DHX30: variants seen among roughly 807,000 people sequenced by gnomAD.
DHX30 encodes ATP-dependent RNA helicase DHX30.
In DHX30, 4 loss-of-function variants were observed where a neutral mutation model predicts 116.9. The observed-to-expected ratio is 0.03, with a 90% CI of 0.02 to 0.08. DHX30 has a LOEUF of 0.08. Among genes scored for constraint, DHX30 ranks in the 10% least tolerant of loss-of-function variants. The pLI is 1.00. For synonymous variants in DHX30, 697 were observed against 651.7 expected (o/e 1.07, Z -1.06); for missense variants, 871 against 1,595.1 (o/e 0.55, Z 7.73).
intron 6 of DHX30, among the ~76,000 whole-genome samples, chr3:47,840,244 G>A (rs968977326): frequency 7.9e-5 from 12 of 151,046 alleles, no homozygotes; most frequent in Admixed American, 1.3e-4. Context: ...TGATCCGCCC[G>A]TCTCGGCCTC....
In DHX30 at chr3:47,847,604, C is replaced by A; in HGVS notation, c.2110+68C>A. On this transcript the variant is annotated intron_variant, in intron 13 of 21. Transcript: ENST00000445061. This position sits in a 1 kb window ranked among gnomAD's most constrained non-coding sequence, Gnocchi z 5.5. ...CCTGACCTCTGTCCTAGGGACTGAC[C>A]CAACTGGGACTCCAGGGGCCCCGGT... 1 of 1,478,700 alleles carries A rather than the reference C, an allele frequency of 6.8e-7. No homozygotes were observed. Among genetic ancestry groups the A allele is most frequent in the Non-Finnish European group, 9.1e-7 (1 of 1,102,418 alleles). 91.6% of individuals were successfully genotyped at this position (1,478,700 alleles called of 1,614,324 possible).
intron 3 of DHX30, among the ~76,000 whole-genome samples, chr3:47,814,883 A>C (rs2035982931): frequency 6.6e-6 from 1 of 151,782 alleles, no homozygotes; most frequent in South Asian, 2.1e-4. Flanking sequence ...AAATAATTAA[A>C]AAAATAATTT....
chr3:47,845,466 C>T (rs184876397), intron 9 of DHX30: 40 of 353,194 alleles, frequency 1.1e-4, no homozygotes, highest in Non-Finnish European at 1.7e-4. Context: ...GGATTACAGG[C>T]GTGAGCCACC....
In DHX30 at chr3:47,848,864, A is replaced by AG; in HGVS notation, c.2770-51dup. On this transcript the variant is annotated intron_variant, in intron 17 of 21. Transcript: ENST00000445061. The surrounding 1 kb of genome is among the most constrained non-coding windows in gnomAD (Gnocchi z 9.4). Reference sequence around the variant, plus strand: ...GAGCCGTCCACCCACTGCTGTTCTGAGGGGGCGTTGTCTAGCCCCTGCCTG... The same window carrying AG: ...GAGCCGTCCACCCACTGCTGTTCTGAGGGGGGCGTTGTCTAGCCCCTGCCTG... 1 of 1,598,868 alleles carries AG rather than the reference A, an allele frequency of 6.3e-7. No homozygotes were observed. Among genetic ancestry groups the AG allele is most frequent in the Non-Finnish European group, 8.6e-7 (1 of 1,168,400 alleles).
At chr3:47,830,116 C>T (rs1405476574) in intron 6 of DHX30, among the ~76,000 whole-genome samples, 1 of 150,948 alleles carries the variant, frequency 6.6e-6, no homozygotes, top group African/African-American at 2.4e-5. Flanking sequence ...AGGCATGAGC[C>T]ACCATGCCTG....
intron 4 of DHX30, chr3:47,819,413 C>A: frequency 1.4e-6 from 1 of 725,150 alleles, no homozygotes; most frequent in Non-Finnish European, 2.3e-6. Context: ...GCCTCTGGGG[C>A]AGCCCCACAA....
chr3:47,819,104 A>G, intron 4 of DHX30: 2 of 703,834 alleles, frequency 2.8e-6, no homozygotes, highest in Admixed American at 2.2e-5. Flanking sequence ...ACAGCAGGAT[A>G]GAAATGAGTA....
chr3:47,819,411 G>A (rs1256051089), intron 4 of DHX30: 53 of 734,788 alleles, frequency 7.2e-5, no homozygotes, highest in Non-Finnish European at 2.7e-5. Context: ...CTGCCTCTGG[G>A]GCAGCCCCAC....
intron 2 of DHX30, among the ~76,000 whole-genome samples, chr3:47,808,130 A>G (rs1353695041): frequency 6.6e-6 from 1 of 151,134 alleles, no homozygotes; most frequent in Non-Finnish European, 1.5e-5. Context: ...GGCTGGTCTC[A>G]AACTCCCGAC....
In DHX30 at chr3:47,848,096, A is replaced by C; in HGVS notation, c.2287-84A>C. The stretch of plus-strand genomic sequence containing the variant: ...TGTGGGGTCTCAGTGTTCCTGATGT[A>C]GGGGGCTGGTGAGGGTTACTCAGGG... On this transcript the variant is annotated intron_variant, in intron 14 of 21. Coordinates refer to ENST00000445061, the MANE Select transcript of DHX30 (RefSeq NM_138615.3). This position sits in a 1 kb window ranked among gnomAD's most constrained non-coding sequence, Gnocchi z 9.4. 1.3e-6 allele frequency: 2 copies of C among 1,588,036 alleles called. No homozygotes were observed. Among genetic ancestry groups the C allele is most frequent in the Admixed American group, 3.4e-5 (2 of 59,536 alleles).
rs1227391921 is a variant in DHX30, at chr3:47,849,389, G to A, written c.3087+40G>A. The stretch of plus-strand genomic sequence containing the variant: ...AGGGAATGGAGTTCACCAGGTCCCA[G>A]CCTCCTTCCCTGTCTGCAGCTCCTT... On this transcript the variant is annotated intron_variant, in intron 19 of 21. Coordinates refer to ENST00000445061, the MANE Select transcript of DHX30 (RefSeq NM_138615.3). The A allele has an allele frequency of 1.9e-6, 3 of 1,589,604 alleles. No individual in the cohort carries two copies. In the African/African-American group the frequency reaches 4.0e-5, roughly 21 times the overall value.
intron 3 of DHX30, among the ~76,000 whole-genome samples, chr3:47,815,723 CAAAAAAA>C (rs11349970): frequency 9.6e-5 from 2 of 20,756 alleles, no homozygotes; most frequent in South Asian, 2.9e-3. Flanking sequence ...TAAAAAAGAG[CAAAAAAA>C]AAAAAAAAAA....
At chr3:47,820,281 T>C (rs933711124) in intron 4 of DHX30, among the ~76,000 whole-genome samples, 8 of 151,490 alleles carry the variant, frequency 5.3e-5, no homozygotes, top group Non-Finnish European at 1.2e-4. Context: ...ACCACTACAC[T>C]ATAGCCTGGG....
intron 6 of DHX30, chr3:47,830,690 C>G (rs2036805019): frequency 6.6e-6 from 1 of 152,262 alleles, no homozygotes; most frequent in African/African-American, 2.4e-5. Context: ...ACCTCCCAGG[C>G]TCAAGCCATC....
intron 9 of DHX30, among the ~76,000 whole-genome samples, chr3:47,843,981 C>T (rs542302125): frequency 1.3e-5 from 2 of 152,338 alleles, no homozygotes; most frequent in Non-Finnish European, 2.9e-5. Flanking sequence ...GGATTGCAGG[C>T]GTGAGCCACC....
At chr3:47,835,196 G>A (rs1489233170) in intron 6 of DHX30, among the ~76,000 whole-genome samples, 1 of 129,796 alleles carries the variant, frequency 7.7e-6, no homozygotes, top group Non-Finnish European at 1.6e-5. Flanking sequence ...TTTTTGACAT[G>A]GAGGTTCGCT....
chr3:47,845,071 C>A (rs958557948), intron 9 of DHX30, among the ~76,000 whole-genome samples: 16 of 151,974 alleles, frequency 1.1e-4, no homozygotes, highest in African/African-American at 2.9e-4. Flanking sequence ...GTGACAGTGG[C>A]CTATTGTGGT....
At chr3:47,838,815 T>C (rs2037236588) in intron 6 of DHX30, among the ~76,000 whole-genome samples, 1 of 152,232 alleles carries the variant, frequency 6.6e-6, no homozygotes, top group Non-Finnish European at 1.5e-5. Context: ...CACCCACGTC[T>C]TTGTTCCTTA....
At chr3:47,839,756 A>G (rs1461301625) in intron 6 of DHX30, among the ~76,000 whole-genome samples, 1 of 152,022 alleles carries the variant, frequency 6.6e-6, no homozygotes, top group Non-Finnish European at 1.5e-5. Context: ...GCTCACTGCA[A>G]CCACTGCCTC....
Sources: allele counts gnomAD v4.1 joint callset (sites outside exome capture counted in the v4.1 genomes callset), GRCh38; gene constraint gnomAD v4.1.1; non-coding constraint Gnocchi (gnomAD v3.1); transcripts MANE v1.5; gene names NCBI Gene and HGNC (gene_info 2026-07-23, HGNC 2026-07-21).